The following SHANK2 variants were observed in gnomAD, a reference collection of about 807,000 sequenced individuals.
SHANK2 encodes SH3 and multiple ankyrin repeat domains protein 2.
A neutral mutation model predicts 133.7 loss-of-function variants in SHANK2; 43 were observed. The observed-to-expected ratio is 0.32, with a 90% confidence interval of 0.25 to 0.41. The LOEUF (loss-of-function observed/expected upper bound fraction) is 0.41. Among genes scored for constraint, SHANK2 ranks in the 10% least tolerant of loss-of-function variants. The probability of loss-of-function intolerance (pLI) is 1.00; values close to 1 mark genes in which losing one functional copy is unlikely to be tolerated. For missense variants in SHANK2, 1,994 were observed against 2,235.8 expected, an observed-to-expected ratio of 0.89 and a Z score of 2.18; for synonymous variants, 1,017 against 952.8, an observed-to-expected ratio of 1.07 and a Z score of -1.24.
intron 17 of SHANK2, among the ~76,000 whole-genome samples, chr11:70,658,218 C>T (rs1293472987): frequency 1.6e-5 from 2 of 121,758 alleles, no homozygotes; most frequent in Non-Finnish European, 3.6e-5. Context: ...AACACACACA[C>T]ACACACACAC....
intron 14 of SHANK2, among the ~76,000 whole-genome samples, chr11:70,784,525 G>A (rs954095243): frequency 1.3e-5 from 2 of 151,508 alleles, no homozygotes; most frequent in East Asian, 1.9e-4. Flanking sequence ...GGCTGGTCTC[G>A]AACTCCTGAC....
At chr11:71,092,672 G>A in intron 7 of SHANK2, 83 bp from the exon 8 acceptor site, 1 of 1,401,744 alleles carries the variant, frequency 7.1e-7, no homozygotes, top group African/African-American at 1.4e-5. Flanking sequence ...GCAGCACCAG[G>A]ACCACCCTCC....
rs116946577 is a variant in SHANK2, at chr11:71,127,964, G to A, written c.208-8932C>T. ...CTCTGGTGGACCAGCCATCCTCTCC[G>A]CGTCTGCCGGCTGGAGCCCCACTCT... On this transcript the variant is annotated intron_variant, in intron 3 of 25. Transcript: ENST00000601538. 2.5e-3 allele frequency among the ~76,000 whole-genome samples: 377 copies of A among 152,238 alleles called. 12 individuals are homozygous for A. In the East Asian group the frequency reaches 0.068, roughly 27 times the overall value.
intron 3 of SHANK2, among the ~76,000 whole-genome samples, chr11:71,123,558 T>C (rs1468961744): frequency 6.6e-6 from 1 of 152,130 alleles, no homozygotes; most frequent in African/African-American, 2.4e-5. Flanking sequence ...AGCAGGTGGA[T>C]GGCCCAAGAC....
chr11:70,544,176 C>A (rs1554975751), intron 17 of SHANK2, among the ~76,000 whole-genome samples: 2 of 152,170 alleles, frequency 1.3e-5, no homozygotes, highest in African/African-American at 4.8e-5. Context: ...GGATGACAGG[C>A]CCAGTTCAAA....
chr11:70,537,354 T>C (rs2059558222), intron 17 of SHANK2, among the ~76,000 whole-genome samples: 1 of 152,258 alleles, frequency 6.6e-6, no homozygotes, highest in Non-Finnish European at 1.5e-5. Flanking sequence ...AATGTAATTA[T>C]GTTTCTCAAC....
At chr11:70,806,925 C>T (rs1365777417) in intron 13 of SHANK2, 77 bp downstream of exon 13, 16 of 654,682 alleles carry the variant, frequency 2.4e-5, no homozygotes, top group East Asian at 5.5e-5. Context: ...CCTTGGACAT[C>T]GTCCCCACAG....
intron 14 of SHANK2, among the ~76,000 whole-genome samples, chr11:70,761,918 G>GACT (rs1947005753): frequency 6.6e-6 from 1 of 151,802 alleles, no homozygotes; most frequent in African/African-American, 2.4e-5. Context: ...GCAAGTTCCC[G>GACT]GCTGCTGCTG....
chr11:70,562,574 A>G (rs1465836166), intron 17 of SHANK2, among the ~76,000 whole-genome samples: 1 of 152,212 alleles, frequency 6.6e-6, no homozygotes, highest in Non-Finnish European at 1.5e-5. Context: ...TGATACTAAT[A>G]TCGTCATCCC....
intron 10 of SHANK2, among the ~76,000 whole-genome samples, chr11:70,918,707 T>C (rs188015993): frequency 1.3e-5 from 2 of 152,244 alleles, no homozygotes; most frequent in African/African-American, 4.8e-5. Context: ...GATTTCACAA[T>C]GTTGGCCAGA....
intron 10 of SHANK2, among the ~76,000 whole-genome samples, chr11:70,904,638 G>T (rs1555077507): frequency 6.6e-6 from 1 of 151,878 alleles, no homozygotes; most frequent in East Asian, 1.9e-4. Context: ...CTCCTGAGTA[G>T]CTGGGATTAC....
intron 10 of SHANK2, among the ~76,000 whole-genome samples, chr11:70,939,194 G>A (rs1164815359): frequency 2.0e-5 from 3 of 152,158 alleles, no homozygotes; most frequent in African/African-American, 7.2e-5. Flanking sequence ...TCAAGATCTC[G>A]TGCACTTACG....
intron 2 of SHANK2, among the ~76,000 whole-genome samples, chr11:71,220,876 G>C (rs1555120963): frequency 6.6e-6 from 1 of 152,130 alleles, no homozygotes; most frequent in Non-Finnish European, 1.5e-5. Flanking sequence ...ACATAAATGT[G>C]CTTAATGCCA....
intron 1 of SHANK2, among the ~76,000 whole-genome samples, chr11:71,234,799 G>A (rs1954804149): frequency 6.6e-6 from 1 of 152,062 alleles, no homozygotes; most frequent in South Asian, 2.1e-4. Flanking sequence ...AGCATGGCCG[G>A]GTGGTCCTGC....
Position 70,873,302 on chromosome 11 carries a change from T to G in SHANK2, c.1174+23199A>C, listed in dbSNP as rs192272439. On this transcript the variant is annotated intron_variant, in intron 11 of 25. Transcript: ENST00000601538. Reference sequence around the variant, plus strand: ...AACCCATGAGGAAGAGGAGGGCAGGTGAGAGCTGACAAGGTCGAGACTTGC... The same window carrying G: ...AACCCATGAGGAAGAGGAGGGCAGGGGAGAGCTGACAAGGTCGAGACTTGC... 3.8e-4 allele frequency among the ~76,000 whole-genome samples: 58 copies of G among 152,280 alleles called. 1 individual carries two copies. In the East Asian group the frequency reaches 6.0e-3, roughly 16 times the overall value.
intron 17 of SHANK2, among the ~76,000 whole-genome samples, chr11:70,527,607 C>A (rs1159215700): frequency 6.6e-6 from 1 of 152,206 alleles, no homozygotes; most frequent in Admixed American, 6.5e-5. Flanking sequence ...GTCTGAGAGG[C>A]GCCTCCTCCC....
At chr11:71,237,965 C>A (rs1428655647) in intron 1 of SHANK2, among the ~76,000 whole-genome samples, 1 of 152,202 alleles carries the variant, frequency 6.6e-6, no homozygotes, top group African/African-American at 2.4e-5. Context: ...GATAAGGGGG[C>A]CCCCTCCCAA....
Position 70,624,372 on chromosome 11 carries a change from G to A in SHANK2, c.2061+35456C>T, listed in dbSNP as rs144664738. Among the ~76,000 whole-genome samples, 554 of 152,004 alleles carry A rather than the reference G, an allele frequency of 3.6e-3. 2 individuals carry two copies. Among genetic ancestry groups the A allele is most frequent in the Middle Eastern group, 0.017 (5 of 294 alleles). ...CCCAAGGGATTCCTGCCAGCTCTGC[G>A]GCCCTCAGACTTGAGGCCAGGGGGT... On this transcript the variant is annotated intron_variant, in intron 17 of 25. Transcript: ENST00000601538.
chr11:70,803,314 C>T (rs1217142419), intron 13 of SHANK2, among the ~76,000 whole-genome samples: 4 of 150,112 alleles, frequency 2.7e-5, no homozygotes, highest in African/African-American at 9.9e-5. Flanking sequence ...ATCCATCTTC[C>T]AGCCTACCCA....
Sources: gnomAD v4.1 joint callset for allele counts (sites outside exome capture counted in the v4.1 genomes callset) on GRCh38, gnomAD v4.1.1 for gene constraint, MANE v1.5 for transcripts, NCBI Gene and HGNC (gene_info 2026-07-23, HGNC 2026-07-21) for gene names.